The following NAALADL2 variants were observed in gnomAD, a reference collection of about 807,000 sequenced individuals.
NAALADL2 encodes the protein inactive N-acetylated-alpha-linked acidic dipeptidase-like protein 2.
Under a neutral mutation model 87.2 loss-of-function variants are expected in NAALADL2, and 76 were observed. The observed-to-expected ratio is 0.87, with a 90% CI of 0.72 to 1.05. NAALADL2 has a LOEUF of 1.05. Ranked by LOEUF, NAALADL2 falls within the 50% of genes least tolerant of loss-of-function variation. The probability of loss-of-function intolerance (pLI) is 0.00; values close to 1 mark genes in which losing one functional copy is unlikely to be tolerated. For synonymous variants in NAALADL2, 354 were observed against 331.0 expected, an observed-to-expected ratio of 1.07 and a Z score of -0.75; for missense variants, 1,089 against 945.8, an observed-to-expected ratio of 1.15 and a Z score of -1.99.
intron 2 of NAALADL2, among the ~76,000 whole-genome samples, chr3:175,106,385 C>T (rs187971435): frequency 5.3e-4 from 81 of 152,160 alleles, no homozygotes; most frequent in African/African-American, 1.8e-3. Context: ...GTGATACTGG[C>T]TGCCTATTCT....
At chr3:175,127,405 T>A (rs1727135427) in intron 2 of NAALADL2, among the ~76,000 whole-genome samples, 1 of 152,072 alleles carries the variant, frequency 6.6e-6, no homozygotes. Context: ...ATAGCAGAAA[T>A]ATTTACTTTC....
intron 11 of NAALADL2, among the ~76,000 whole-genome samples, chr3:175,713,315 A>C (rs893126845): frequency 6.6e-6 from 1 of 152,150 alleles, no homozygotes; most frequent in African/African-American, 2.4e-5. Flanking sequence ...TTTCATCAAC[A>C]GTTCTGAACT....
chr3:174,632,883 C>T (rs1245040648), intron 2 of NAALADL2, among the ~76,000 whole-genome samples: 7 of 135,980 alleles, frequency 5.1e-5, no homozygotes, highest in Non-Finnish European at 9.1e-5. Context: ...TGCAGTGAGC[C>T]GAGATCGCGC....
At chr3:174,692,228 T>C (rs1048555058) in intron 2 of NAALADL2, among the ~76,000 whole-genome samples, 6 of 152,174 alleles carry the variant, frequency 3.9e-5, no homozygotes, top group African/African-American at 1.4e-4. Context: ...GACTCCTTAA[T>C]CTATGGGTTG....
chr3:174,964,306 C>A lies in NAALADL2; in HGVS notation c.43+104856C>A, dbSNP rs184270538. Among the ~76,000 whole-genome samples the A allele has an allele frequency of 2.4e-3, 358 of 152,104 alleles. 3 individuals carry two copies. The highest frequency in any genetic ancestry group is 8.8e-4 in the Non-Finnish European group (60 of 67,998). On this transcript the variant is annotated intron_variant, in intron 1 of 13. Coordinates refer to ENST00000454872, the MANE Select transcript of NAALADL2 (RefSeq NM_207015.3). ...TAAAGTATACAGGCAATCAAGAGTT[C>A]TTTGGACATGCTAAATTTAAGAAGC...
chr3:174,713,684 T>C (rs1730906773), intron 2 of NAALADL2, among the ~76,000 whole-genome samples: 1 of 151,850 alleles, frequency 6.6e-6, no homozygotes, highest in South Asian at 2.1e-4. Flanking sequence ...GAGTTCATTG[T>C]AGATTCTGGA....
chr3:175,702,718 T>C (rs530759910), intron 11 of NAALADL2, among the ~76,000 whole-genome samples: 3 of 152,268 alleles, frequency 2.0e-5, no homozygotes, highest in African/African-American at 7.2e-5. Context: ...TTTCTTCCAA[T>C]GGATCTAAAT....
chr3:175,447,720 A>C (rs987828429), intron 6 of NAALADL2, among the ~76,000 whole-genome samples: 8 of 152,210 alleles, frequency 5.3e-5, no homozygotes, highest in African/African-American at 1.9e-4. Context: ...GATTCAGTGG[A>C]TAGCAGGCAA....
intron 13 of NAALADL2, among the ~76,000 whole-genome samples, chr3:175,802,797 TTCTC>T (rs1187344411): frequency 7.2e-5 from 11 of 152,034 alleles, no homozygotes; most frequent in Non-Finnish European, 1.3e-4. Context: ...TTCTGATCAT[TTCTC>T]TCTTTCTCAT....
intron 9 of NAALADL2, among the ~76,000 whole-genome samples, chr3:175,532,539 G>C (rs56066802): frequency 0.063 from 9,636 of 152,216 alleles, 419 homozygotes; most frequent in South Asian, 0.11. Flanking sequence ...CGACCTAGAA[G>C]TTTTCTGCTT....
intron 1 of NAALADL2, among the ~76,000 whole-genome samples, chr3:174,500,260 T>C (rs1045956437): frequency 1.3e-5 from 2 of 152,192 alleles, no homozygotes; most frequent in African/African-American, 4.8e-5. Flanking sequence ...TTATGTGTTA[T>C]ACGTGGATCT....
chr3:174,689,180 T>A (rs543537), intron 2 of NAALADL2, among the ~76,000 whole-genome samples: 74,426 of 151,948 alleles, frequency 0.49, 20,338 homozygotes, highest in Non-Finnish European at 0.63. Flanking sequence ...TTCTCTCTCA[T>A]GAAAATAACT....
rs10567967 is a variant in NAALADL2, at chr3:174,816,413, C to CGT, written c.-9+78684_-9+78685dup. On this transcript the variant is annotated intron_variant, in intron 3 of 3. Transcript: ENST00000434257. ...GTGTGTGTGTGTGTGTATGTGTGTGCGTGTGTGTGTGTGTGTGTATCTCAG... is the reference window on the plus strand; with the variant it reads ...GTGTGTGTGTGTGTGTATGTGTGTGCGTGTGTGTGTGTGTGTGTGTATCTCAG... 1.6e-3 allele frequency among the ~76,000 whole-genome samples: 245 copies of CGT among 148,552 alleles called. 2 individuals are homozygous for CGT. Among genetic ancestry groups the CGT allele is most frequent in the Admixed American group, 2.7e-3 (40 of 14,766 alleles).
At chr3:174,814,199 C>T (rs974359027) in intron 3 of NAALADL2, among the ~76,000 whole-genome samples, 1 of 152,014 alleles carries the variant, frequency 6.6e-6, no homozygotes, top group African/African-American at 2.4e-5. Context: ...AGCTCCACCC[C>T]CCGGGTTCAC....
At chr3:175,431,497 T>C (rs2149163370) in intron 5 of NAALADL2, among the ~76,000 whole-genome samples, 1 of 152,132 alleles carries the variant, frequency 6.6e-6, no homozygotes, top group African/African-American at 2.4e-5. Context: ...TTCTCATTCA[T>C]CCTCAAGCTT....
At chr3:174,622,508 A>G (rs567034034) in intron 2 of NAALADL2, among the ~76,000 whole-genome samples, 1 of 152,270 alleles carries the variant, frequency 6.6e-6, no homozygotes, top group Non-Finnish European at 1.5e-5. Context: ...GCAGTTGAAA[A>G]TCCACATATA....
At chr3:174,569,926 C>A (rs962431216) in intron 2 of NAALADL2, among the ~76,000 whole-genome samples, 18 of 152,084 alleles carry the variant, frequency 1.2e-4, no homozygotes, top group African/African-American at 4.3e-4. Context: ...TGTGAAGCTT[C>A]CTCTAGCTCT....
At chr3:174,992,726 T>C (rs1746904752) in intron 1 of NAALADL2, among the ~76,000 whole-genome samples, 2 of 152,130 alleles carry the variant, frequency 1.3e-5, no homozygotes, top group South Asian at 4.1e-4. Context: ...TTTATGATAA[T>C]TTGCTATTTA....
At chr3:175,390,992 C>G (rs1768999190) in intron 5 of NAALADL2, among the ~76,000 whole-genome samples, 1 of 152,114 alleles carries the variant, frequency 6.6e-6, no homozygotes, top group Admixed American at 6.5e-5. Flanking sequence ...CCCAATGAGG[C>G]CTATTTCTGT....
Sources: allele counts gnomAD v4.1 joint callset (sites outside exome capture counted in the v4.1 genomes callset), GRCh38; gene constraint gnomAD v4.1.1; transcripts MANE v1.5; gene names NCBI Gene and HGNC (gene_info 2026-07-23, HGNC 2026-07-21).